The following TRIM11 variants were observed in gnomAD, a reference collection of about 807,000 sequenced individuals.
TRIM11 encodes tripartite motif containing 11.
A neutral mutation model predicts 33.4 loss-of-function variants in TRIM11; 15 were observed. The ratio of observed to expected loss-of-function variants is 0.45; its 90% CI spans 0.30 to 0.69. The LOEUF (loss-of-function observed/expected upper bound fraction) is 0.69. TRIM11 is among the 30% of genes least tolerant of loss of function. The pLI is 0.08. For synonymous variants in TRIM11, 281 were observed against 302.6 expected (o/e 0.93, Z 0.74); for missense variants, 499 against 667.6 (o/e 0.75, Z 2.78).
chr1:228,397,189 C>A (rs775639323), intron 3 of TRIM11, 24 bp from the exon 4 acceptor site: 1 of 1,607,622 alleles, frequency 6.2e-7, no homozygotes, highest in African/African-American at 1.3e-5. Context: ...AGAAACAGCA[C>A]ACTCGGTGTC....
Position 228,406,313 on chromosome 1 carries a change from C to A in TRIM11, c.249G>T (p.Pro83=). 1 of 1,468,514 alleles carries A rather than the reference C, an allele frequency of 6.8e-7. No homozygotes were observed. The highest frequency in any genetic ancestry group is 9.0e-7 in the Non-Finnish European group (1 of 1,114,020). The allele number at this position is 1,468,514 out of a possible 1,614,324, so 91.0% of individuals were successfully genotyped here. A position where few individuals can be genotyped will look rare whatever the true frequency, so the allele number is the denominator to read the frequency against. The change falls in exon 1 of 6, where the codon CCG becomes CCT. Residue 83 remains proline, a synonymous_variant. Transcript: ENST00000284551. The surrounding 1 kb of genome is among the most constrained non-coding windows in gnomAD (Gnocchi z 8.2). ...ACACGCCCTGCGGGACCGGCGACGG[C>A]GGGTGCAGGCGCCGCGCCATCTCGG... ...KMAEMARRLH[P]PSPVPQGVCP... is the part of the protein sequence containing the mutation.
rs1193643174 is a variant in TRIM11 at position 228,401,120 on chromosome 1, C to A, written c.579G>T (p.Glu193Asp). ...ERLRRLLAEE[E>D]QQLLQRLEEE... is the part of the protein sequence containing the mutation. The stretch of plus-strand genomic sequence containing the variant: ...CCTCCAGCCTCTGCAGCAGCTGCTG[C>A]TCCTCCTCTGCCAGCAAACGGCGAA... Residue 193 changes from glutamate to aspartate, a missense_variant, in exon 3 of 6, where the codon GAG (glutamate) becomes GAT (aspartate). By Grantham distance (45) the Glu-to-Asp change is conservative. Coordinates refer to ENST00000284551, the MANE Select transcript of TRIM11 (RefSeq NM_145214.3). This position sits in a 1 kb window ranked among gnomAD's most constrained non-coding sequence, Gnocchi z 6.1. The A allele has an allele frequency of 6.2e-7, 1 of 1,613,622 alleles. No individual in the cohort carries two copies.
chr1:228,401,187 A>G lies in TRIM11; in HGVS notation c.512T>C (p.Val171Ala). The change falls in exon 3 of 6, where the codon GTG becomes GCG. Residue 171 changes from valine (V) to alanine (A), a missense_variant. Val to Ala is a moderately conservative substitution (Grantham distance 64). Transcript: ENST00000284551. The surrounding 1 kb of genome is among the most constrained non-coding windows in gnomAD (Gnocchi z 6.1). The stretch of plus-strand genomic sequence containing the variant: ...CAGCACGTTCTGCCGCTGGCTCTCC[A>G]CCATCTTCTGTGGAGCCCAGGGAGA... ...DETCVLWQKM[V>A]ESQRQNVLGE... 2 of 1,612,516 alleles carry G rather than the reference A, an allele frequency of 1.2e-6. No homozygotes were observed. The highest frequency in any genetic ancestry group is 1.1e-5 in the South Asian group (1 of 91,010).
intron 3 of TRIM11, chr1:228,397,588 C>T (rs994811632): frequency 5.3e-6 from 1 of 187,442 alleles, no homozygotes; most frequent in Non-Finnish European, 1.1e-5. Context: ...TGCTTCCTCT[C>T]CCAGCTCCAC....
In TRIM11 at chr1:228,394,527, CCA is replaced by C. The variant is rs1425959565; in HGVS notation, c.*176_*177del. 3.0e-5 allele frequency: 22 copies of C among 732,254 alleles called. No individual in the cohort carries two copies. Among genetic ancestry groups the C allele is most frequent in the African/African-American group, 5.3e-5 (3 of 56,348 alleles). The allele number at this position is 732,254 out of a possible 1,614,324, so 45.4% of individuals were successfully genotyped here. On this transcript the variant is annotated 3_prime_UTR_variant, in exon 6 of 6. Coordinates refer to ENST00000284551, the MANE Select transcript of TRIM11 (RefSeq NM_145214.3). The surrounding 1 kb of genome is among the most constrained non-coding windows in gnomAD (Gnocchi z 6.2). ...AGGACGGAGCCTGCCCCACACTCTC[CCA>C]CAGTTTCCTGGAGTGCTAGAATTGG...
In TRIM11 at chr1:228,406,631, G is replaced by C; in HGVS notation, c.-70C>G. On this transcript the variant is annotated 5_prime_UTR_variant, in exon 1 of 6. Transcript: ENST00000284551. The surrounding 1 kb of genome is among the most constrained non-coding windows in gnomAD (Gnocchi z 8.2). ...GGCGGGCGGCCTCGGCAGCTCGCGG[G>C]GACGCGGGGTATCCGGGTGCGGCGG... 12 of 1,344,418 alleles carry C rather than the reference G, an allele frequency of 8.9e-6. No homozygotes were observed. Among genetic ancestry groups the C allele is most frequent in the South Asian group, 3.8e-5 (2 of 52,508 alleles). 83.3% of individuals were successfully genotyped at this position (1,344,418 alleles called of 1,614,324 possible).
rs749546935 is a variant in TRIM11, at chr1:228,395,065, C to T, written c.1047G>A (p.Gly349=). The T allele has an allele frequency of 3.7e-6, 6 of 1,610,644 alleles. No individual in the cohort carries two copies. In the South Asian group the frequency reaches 5.5e-5, roughly 15 times the overall value. ...CCCCCAGGGCCCAGCTGGTGCGGTCCCCAACCTCCACCTCCCAGTAGTGGC... is the reference window on the plus strand; with the variant it reads ...CCCCCAGGGCCCAGCTGGTGCGGTCTCCAACCTCCACCTCCCAGTAGTGGC... The part of the protein sequence containing the change: ...SGRHYWEVEV[G]DRTSWALGVC... The change falls in exon 6 of 6, where the codon GGG becomes GGA. Residue 349 remains glycine, a synonymous_variant. Transcript: ENST00000284551. This position sits in a 1 kb window ranked among gnomAD's most constrained non-coding sequence, Gnocchi z 4.8.
At chr1:228,396,698 T>C (rs1363612522) in intron 5 of TRIM11, 2 of 717,722 alleles carry the variant, frequency 2.8e-6, no homozygotes, top group Admixed American at 4.0e-5. Context: ...CTGGCAATTC[T>C]GTTCAATGCT....
rs546383528 is a variant in TRIM11 at position 228,400,886 on chromosome 1, C to T, written c.735+78G>A. 3.0e-5 allele frequency: 43 copies of T among 1,435,492 alleles called. No individual in the cohort carries two copies. The African/African-American group carries it at 6.0e-4, about 20-fold the overall frequency. The allele number at this position is 1,435,492 out of a possible 1,614,324, so 88.9% of individuals were successfully genotyped here. On this transcript the variant is annotated intron_variant, in intron 3 of 5. Coordinates refer to ENST00000284551, the MANE Select transcript of TRIM11 (RefSeq NM_145214.3). This position sits in a 1 kb window ranked among gnomAD's most constrained non-coding sequence, Gnocchi z 4.5. Reference sequence around the variant, plus strand: ...ACAACCTCTCTGCCCCTGCTTCTTGCACTTTCTGGTTCTCCCTCCCCCAGT... The same window carrying T: ...ACAACCTCTCTGCCCCTGCTTCTTGTACTTTCTGGTTCTCCCTCCCCCAGT...
rs1656196523 is a variant in TRIM11 at position 228,400,994 on chromosome 1, G to A, written c.705C>T (p.Arg235=). 1.3e-6 allele frequency: 2 copies of A among 1,593,224 alleles called. No homozygotes were observed. Among genetic ancestry groups the A allele is most frequent in the Non-Finnish European group, 1.7e-6 (2 of 1,168,362 alleles). ...GCAGCCCCAGAGCAGGCAGCTGGCAGCGGCCCTCGAGCTCGGCGATGAGCT... is the reference window on the plus strand; with the variant it reads ...GCAGCCCCAGAGCAGGCAGCTGGCAACGGCCCTCGAGCTCGGCGATGAGCT... The part of the protein sequence containing the change: ...LAELIAELEG[R]CQLPALGLLQ... Residue 235 remains arginine, a synonymous_variant, in exon 3 of 6, where the codon CGC becomes CGT. Transcript: ENST00000284551. The surrounding 1 kb of genome is among the most constrained non-coding windows in gnomAD (Gnocchi z 4.5).
rs1182357675 is a variant in TRIM11 at position 228,400,812 on chromosome 1, C to A, written c.735+152G>T. 3 of 1,393,522 alleles carry A rather than the reference C, an allele frequency of 2.2e-6. No individual in the cohort carries two copies. The South Asian group carries it at 4.7e-5, about 22-fold the overall frequency. 86.3% of individuals were successfully genotyped at this position (1,393,522 alleles called of 1,614,324 possible). A position where few individuals can be genotyped will look rare whatever the true frequency, so the allele number is the denominator to read the frequency against. On this transcript the variant is annotated intron_variant, in intron 3 of 5. Coordinates refer to ENST00000284551, the MANE Select transcript of TRIM11 (RefSeq NM_145214.3). This position sits in a 1 kb window ranked among gnomAD's most constrained non-coding sequence, Gnocchi z 4.5. Reference sequence around the variant, plus strand: ...GTCCTGCTGCTGACTCAGCATTTCACAGGCAACAGCCAGGCACATCCAGCC... The same window carrying A: ...GTCCTGCTGCTGACTCAGCATTTCAAAGGCAACAGCCAGGCACATCCAGCC...
chr1:228,406,369 G>A lies in TRIM11; in HGVS notation c.193C>T (p.Leu65=). ...TTAGCAAGCGGGCGGTTGGGCCGCA[G>A]GTTCCTCTGCGGGGACAGCTCGCGG... is the stretch of plus-strand genomic sequence containing the variant. ...ECRELSPQRN[L]RPNRPLAKMA... Residue 65 remains leucine (L), a synonymous_variant, in exon 1 of 6, where the codon CTG becomes TTG. Transcript: ENST00000284551. This position sits in a 1 kb window ranked among gnomAD's most constrained non-coding sequence, Gnocchi z 8.2. 6.6e-7 allele frequency: 1 copy of A among 1,514,674 alleles called. No homozygotes were observed. Among genetic ancestry groups the A allele is most frequent in the Non-Finnish European group, 8.8e-7 (1 of 1,134,156 alleles). 93.8% of individuals were successfully genotyped at this position (1,514,674 alleles called of 1,614,324 possible). A position where few individuals can be genotyped will look rare whatever the true frequency, so the allele number is the denominator to read the frequency against.
At chr1:228,396,847 G>A (rs766648773) in intron 5 of TRIM11, 100 bp downstream of exon 5, 2 of 1,086,718 alleles carry the variant, frequency 1.8e-6, no homozygotes, top group Admixed American at 1.7e-5. Flanking sequence ...TGTGAGTTTG[G>A]AGCTGGCAGT....
Position 228,395,509 on chromosome 1 carries a change from CTTGG to C in TRIM11, c.860-261_860-258del, listed in dbSNP as rs1414160020. 5 of 354,436 alleles carry C rather than the reference CTTGG, an allele frequency of 1.4e-5. No individual in the cohort carries two copies. Among genetic ancestry groups the C allele is most frequent in the Non-Finnish European group, 2.5e-5 (5 of 199,980 alleles). 22.0% of individuals were successfully genotyped at this position (354,436 alleles called of 1,614,324 possible). ...TTGCCTTCAGATATCAAGAGGGAAT[CTTGG>C]TTGCTTTTTTTTTTTTTTTTAAAGA... On this transcript the variant is annotated intron_variant, in intron 5 of 5. Coordinates refer to ENST00000284551, the MANE Select transcript of TRIM11 (RefSeq NM_145214.3). This position sits in a 1 kb window ranked among gnomAD's most constrained non-coding sequence, Gnocchi z 4.8.
chr1:228,394,543 T>A lies in TRIM11; in HGVS notation c.*162A>T. ...CACACTCTCCCACAGTTTCCTGGAG[T>A]GCTAGAATTGGGGTTCTCCCACGCA... is the stretch of plus-strand genomic sequence containing the variant. On this transcript the variant is annotated 3_prime_UTR_variant, in exon 6 of 6. Coordinates refer to ENST00000284551, the MANE Select transcript of TRIM11 (RefSeq NM_145214.3). The surrounding 1 kb of genome is among the most constrained non-coding windows in gnomAD (Gnocchi z 6.2). 1 of 770,488 alleles carries A rather than the reference T, an allele frequency of 1.3e-6. No individual in the cohort carries two copies. The allele number at this position is 770,488 out of a possible 1,614,324, so 47.7% of individuals were successfully genotyped here. A position where few individuals can be genotyped will look rare whatever the true frequency, so the allele number is the denominator to read the frequency against.
At position 228,395,287 on chromosome 1, in the gene TRIM11, C is replaced by T; in HGVS notation, c.860-35G>A. The T allele has an allele frequency of 1.4e-6, 2 of 1,419,658 alleles. No homozygotes were observed. The highest frequency in any genetic ancestry group is 1.8e-6 in the Non-Finnish European group (2 of 1,090,600). The allele number at this position is 1,419,658 out of a possible 1,614,324, so 87.9% of individuals were successfully genotyped here. ...GAGGCCCAAGGTCACCCAGGCACAG[C>T]CACAGGCAAGCTGGGGCCATCTGCC... is the stretch of plus-strand genomic sequence containing the variant. On this transcript the variant is annotated intron_variant, in intron 5 of 5. Coordinates refer to ENST00000284551, the MANE Select transcript of TRIM11 (RefSeq NM_145214.3). The surrounding 1 kb of genome is among the most constrained non-coding windows in gnomAD (Gnocchi z 4.8).
In TRIM11 at chr1:228,406,606, G is replaced by T. The variant is rs751279094; in HGVS notation, c.-45C>A. ...AAGGCGGTACTGTCCGCGGGGCGGC[G>T]GCGGGCGGCCTCGGCAGCTCGCGGG... On this transcript the variant is annotated 5_prime_UTR_variant, in exon 1 of 6. Coordinates refer to ENST00000284551, the MANE Select transcript of TRIM11 (RefSeq NM_145214.3). This position sits in a 1 kb window ranked among gnomAD's most constrained non-coding sequence, Gnocchi z 8.2. 4.3e-6 allele frequency: 6 copies of T among 1,395,726 alleles called. No homozygotes were observed. The East Asian group carries it at 1.7e-4, about 39-fold the overall frequency. 86.5% of individuals were successfully genotyped at this position (1,395,726 alleles called of 1,614,324 possible).
At position 228,406,666 on chromosome 1, in the gene TRIM11, G is replaced by T; in HGVS notation, c.-105C>A. On this transcript the variant is annotated 5_prime_UTR_variant, in exon 1 of 6. Coordinates refer to ENST00000284551, the MANE Select transcript of TRIM11 (RefSeq NM_145214.3). This position sits in a 1 kb window ranked among gnomAD's most constrained non-coding sequence, Gnocchi z 8.2. ...TATCCGGGTGCGGCGGCGCAGGCTC[G>T]GGCACTCCGGGGCGCGAGGCTCGGG... 1 of 1,131,954 alleles carries T rather than the reference G, an allele frequency of 8.8e-7. No individual in the cohort carries two copies. The highest frequency in any genetic ancestry group is 2.8e-5 in the South Asian group (1 of 36,348). The allele number at this position is 1,131,954 out of a possible 1,614,324, so 70.1% of individuals were successfully genotyped here. A position where few individuals can be genotyped will look rare whatever the true frequency, so the allele number is the denominator to read the frequency against.
In TRIM11 at chr1:228,406,408, C is replaced by A. The variant is rs1461391889; in HGVS notation, c.154G>T (p.Ala52Ser). ...GACAGCTCGCGGCACTCGGGGCACG[C>A]GTACGGGCCCTCGGGCTGGCCCCAG... ...RCWGQPEGPY[A>S]CPECRELSPQ... Residue 52 changes from alanine (A) to serine (S), a missense_variant, in exon 1 of 6, where the codon GCG becomes TCG. Physicochemically the swap from Ala to Ser is moderately conservative, Grantham distance 99 (BLOSUM62 1). Transcript: ENST00000284551. This position sits in a 1 kb window ranked among gnomAD's most constrained non-coding sequence, Gnocchi z 8.2. 6.4e-7 allele frequency: 1 copy of A among 1,572,108 alleles called. No homozygotes were observed. Among genetic ancestry groups the A allele is most frequent in the Non-Finnish European group, 8.6e-7 (1 of 1,164,902 alleles).
Sources: gnomAD v4.1 joint callset for allele counts on GRCh38, gnomAD v4.1.1 for gene constraint, Gnocchi (gnomAD v3.1) non-coding constraint, MANE v1.5 for transcripts, NCBI Gene and HGNC (gene_info 2026-07-23, HGNC 2026-07-21) for gene names.